The following ALKBH3 variants were observed in gnomAD, a reference collection of about 807,000 sequenced individuals.
The protein encoded by ALKBH3 is alkB homolog 3, alpha-ketoglutarate dependent dioxygenase.
ALKBH3 carries 51 observed loss-of-function variants against 43.9 expected under a neutral mutation model. That is an observed-to-expected ratio of 1.16 (90% CI 0.93 to 1.47). The LOEUF (loss-of-function observed/expected upper bound fraction) is 1.47. ALKBH3 is among the 40% of genes most tolerant of loss of function. ALKBH3 has a pLI of 0.00. For missense variants in ALKBH3, 361 were observed against 351.9 expected (o/e 1.03, Z -0.21); for synonymous variants, 102 against 115.2 (o/e 0.89, Z 0.73).
chr11:43,917,056 C>G (rs1402923127), intron 8 of ALKBH3: 1 of 152,202 alleles, frequency 6.6e-6, no homozygotes, highest in African/African-American at 2.4e-5. Context: ...TCGAGTGGCT[C>G]CCTCCCAAAC....
intron 6 of ALKBH3, among the ~76,000 whole-genome samples, chr11:43,890,449 G>A (rs1203033152): frequency 6.6e-6 from 1 of 152,056 alleles, no homozygotes; most frequent in Non-Finnish European, 1.5e-5. Context: ...TTTTTTTCTG[G>A]CACATTGAGT....
intron 3 of ALKBH3, 22 bp downstream of exon 3, chr11:43,883,210 C>T (rs1433478263): frequency 1.9e-6 from 3 of 1,578,364 alleles, no homozygotes; most frequent in Non-Finnish European, 2.6e-6. Context: ...GTTTTTTCTT[C>T]AATAGTGATA....
intron 7 of ALKBH3, chr11:43,897,553 T>A: frequency 1.3e-6 from 1 of 781,376 alleles, no homozygotes; most frequent in Non-Finnish European, 2.4e-6. Context: ...TGTCCTTTGA[T>A]TCCGACATTC....
intron 7 of ALKBH3, chr11:43,899,060 C>T (rs116616669): frequency 5.3e-6 from 4 of 749,152 alleles, no homozygotes; most frequent in African/African-American, 5.1e-5. Context: ...TTGTGGATGC[C>T]TCTTCAGTCA....
chr11:43,897,640 A>G (rs866723894), intron 7 of ALKBH3: 13 of 898,540 alleles, frequency 1.4e-5, no homozygotes, highest in African/African-American at 1.3e-4. Context: ...TGCAAGCTGG[A>G]TGTAGATGCA....
rs535490317 is a variant in ALKBH3, at chr11:43,898,982, C to T, written c.460-2534C>T. On this transcript the variant is annotated intron_variant, in intron 7 of 9. Transcript: ENST00000302708. ...AGCTGGAGAATGAAGACCTCAAGCTCTGGACTGAGACCATCTACCACTCTG... is the reference window on the plus strand; with the variant it reads ...AGCTGGAGAATGAAGACCTCAAGCTTTGGACTGAGACCATCTACCACTCTG... 217 of 753,746 alleles carry T rather than the reference C, an allele frequency of 2.9e-4. 2 individuals carry two copies. In the African/African-American group the frequency reaches 3.5e-3, roughly 12 times the overall value. 46.7% of individuals were successfully genotyped at this position (753,746 alleles called of 1,614,324 possible). A position where few individuals can be genotyped will look rare whatever the true frequency, so the allele number is the denominator to read the frequency against.
chr11:43,894,736 A>T (rs1430532480), intron 7 of ALKBH3, among the ~76,000 whole-genome samples: 1 of 152,228 alleles, frequency 6.6e-6, no homozygotes, highest in African/African-American at 2.4e-5. Flanking sequence ...TATCGCTATG[A>T]AGATAAATTT....
chr11:43,892,374 C>T (rs759157039), intron 7 of ALKBH3, among the ~76,000 whole-genome samples: 43 of 152,180 alleles, frequency 2.8e-4, no homozygotes, highest in Non-Finnish European at 5.6e-4. Flanking sequence ...ATTTCTTCTC[C>T]TAATATCCCT....
At chr11:43,896,350 A>G (rs1055979469) in intron 7 of ALKBH3, among the ~76,000 whole-genome samples, 2 of 152,000 alleles carry the variant, frequency 1.3e-5, no homozygotes, top group African/African-American at 4.8e-5. Flanking sequence ...CAATCACAAG[A>G]TCCCACAATA....
At chr11:43,911,539 G>A (rs1951938913) in intron 8 of ALKBH3, among the ~76,000 whole-genome samples, 1 of 152,172 alleles carries the variant, frequency 6.6e-6, no homozygotes, top group African/African-American at 2.4e-5. Context: ...TGTCATTTGG[G>A]AATTTTGGAA....
At chr11:43,889,673 C>T in intron 5 of ALKBH3, 52 bp from the exon 6 acceptor site, 2 of 1,505,884 alleles carry the variant, frequency 1.3e-6, no homozygotes, top group South Asian at 1.1e-5. Flanking sequence ...CATTTAGAGT[C>T]TAACTTATCT....
chr11:43,915,642 G>T (rs1453347629), intron 8 of ALKBH3, among the ~76,000 whole-genome samples: 1 of 121,282 alleles, frequency 8.2e-6, no homozygotes, highest in Non-Finnish European at 1.8e-5. Flanking sequence ...TGGTCAAAAG[G>T]TATTTGTGAG....
intron 6 of ALKBH3, among the ~76,000 whole-genome samples, chr11:43,890,447 T>G (rs1323397727): frequency 1.3e-5 from 2 of 152,184 alleles, no homozygotes; most frequent in African/African-American, 4.8e-5. Context: ...AATTTTTTTC[T>G]GGCACATTGA....
chr11:43,920,045 G>A lies in ALKBH3; in HGVS notation c.*35G>A, dbSNP rs770186407. The A allele has an allele frequency of 1.5e-5, 24 of 1,575,784 alleles. No homozygotes were observed. In the South Asian group the frequency reaches 1.7e-4, roughly 11 times the overall value. ...TTTGAGAGAGAAGCTTCACTGAAAC[G>A]GAGCAAACCTTCCACTGAGAAGCCA... On this transcript the variant is annotated 3_prime_UTR_variant, in exon 10 of 10. Coordinates refer to ENST00000302708, the MANE Select transcript of ALKBH3 (RefSeq NM_139178.4).
chr11:43,896,621 C>T (rs1406894157), intron 7 of ALKBH3, among the ~76,000 whole-genome samples: 3 of 152,178 alleles, frequency 2.0e-5, no homozygotes, highest in Non-Finnish European at 4.4e-5. Flanking sequence ...GCAACACCCT[C>T]ACAGACACAC....
At chr11:43,882,905 T>A in intron 2 of ALKBH3, 174 bp downstream of exon 2, 1 of 853,718 alleles carries the variant, frequency 1.2e-6, no homozygotes, top group Non-Finnish European at 1.8e-6. Context: ...GGTGGGTCTT[T>A]AATGTTCCTC....
chr11:43,897,541 C>G (rs968879971), intron 7 of ALKBH3: 16 of 774,504 alleles, frequency 2.1e-5, no homozygotes, highest in Non-Finnish European at 3.4e-5. Context: ...AGGTTCCCTA[C>G]GTGTCCTTTG....
intron 7 of ALKBH3, chr11:43,899,216 C>T (rs1473941822): frequency 1.3e-6 from 1 of 759,234 alleles, no homozygotes; most frequent in South Asian, 1.3e-5. Flanking sequence ...CAAAGTCTGG[C>T]AGTGGGGCCG....
intron 7 of ALKBH3, among the ~76,000 whole-genome samples, chr11:43,895,067 G>A (rs1951809213): frequency 6.6e-6 from 1 of 152,200 alleles, no homozygotes; most frequent in Non-Finnish European, 1.5e-5. Context: ...TTTAACCATG[G>A]TTTTCACATC....
Sources: gnomAD v4.1 joint callset for allele counts (sites outside exome capture counted in the v4.1 genomes callset) on GRCh38, gnomAD v4.1.1 for gene constraint, MANE v1.5 for transcripts, NCBI Gene and HGNC (gene_info 2026-07-23, HGNC 2026-07-21) for gene names.